The following MIGA1 variants were observed in gnomAD, a reference collection of about 807,000 sequenced individuals.
The protein encoded by MIGA1 is mitoguardin 1, also known as family with sequence similarity 73, member A.
Under a neutral mutation model 82.0 loss-of-function variants are expected in MIGA1, and 58 were observed. The observed-to-expected ratio is 0.71, with a 90% confidence interval of 0.57 to 0.88. The LOEUF is 0.88. Ranked by LOEUF, MIGA1 falls within the 40% of genes least tolerant of loss-of-function variation. The probability of loss-of-function intolerance (pLI) is 0.00; values close to 1 mark genes in which losing one functional copy is unlikely to be tolerated. For synonymous variants in MIGA1, 249 were observed against 253.6 expected (o/e 0.98, Z 0.17); for missense variants, 751 against 749.1 (o/e 1.00, Z -0.03).
intron 7 of MIGA1, among the ~76,000 whole-genome samples, chr1:77,840,892 AT>A (rs1684605072): frequency 1.3e-5 from 2 of 152,282 alleles, no homozygotes; most frequent in Admixed American, 1.3e-4. Context: ...TAAAACTGTG[AT>A]TTCTTTTTGT....
intron 14 of MIGA1, among the ~76,000 whole-genome samples, chr1:77,872,760 CA>C (rs1329846987): frequency 6.6e-6 from 1 of 152,174 alleles, no homozygotes; most frequent in Non-Finnish European, 1.5e-5. Flanking sequence ...GGTTTGCCCT[CA>C]AAAAGAGCTA....
intron 14 of MIGA1, among the ~76,000 whole-genome samples, chr1:77,869,674 C>T (rs1293695331): frequency 5.7e-5 from 7 of 123,076 alleles, no homozygotes; most frequent in Admixed American, 2.3e-4. Flanking sequence ...ACCTCCCGGA[C>T]GGGGCGGCCG....
intron 5 of MIGA1, chr1:77,811,741 G>A: frequency 6.2e-7 from 1 of 1,609,706 alleles, no homozygotes; most frequent in South Asian, 1.1e-5. Context: ...CCTAAAACTG[G>A]CGCCCCAGCG....
intron 8 of MIGA1, chr1:77,853,776 T>A: frequency 3.4e-6 from 1 of 298,116 alleles, no homozygotes. Flanking sequence ...CAAGCAACAG[T>A]AATAGCTGTT....
chr1:77,854,837 C>T (rs373685453), intron 8 of MIGA1, among the ~76,000 whole-genome samples: 1 of 152,174 alleles, frequency 6.6e-6, no homozygotes, highest in South Asian at 2.1e-4. Flanking sequence ...TTCTCCCACT[C>T]TGTGGGTTGT....
At chr1:77,784,732 T>C (rs1457462887) in intron 2 of MIGA1, among the ~76,000 whole-genome samples, 2 of 152,186 alleles carry the variant, frequency 1.3e-5, no homozygotes, top group Non-Finnish European at 2.9e-5. Flanking sequence ...CTGATAAAGA[T>C]ATACCCAAGA....
At chr1:77,861,366 G>A (rs764396624) in intron 12 of MIGA1, 44 bp downstream of exon 12, 6 of 1,286,390 alleles carry the variant, frequency 4.7e-6, no homozygotes, top group Non-Finnish European at 6.7e-6. Context: ...TTAGTTATTT[G>A]CATGTAATTT....
chr1:77,843,079 TA>T (rs1053944621), intron 7 of MIGA1, among the ~76,000 whole-genome samples: 40 of 152,252 alleles, frequency 2.6e-4, no homozygotes, highest in African/African-American at 9.2e-4. Flanking sequence ...AATAAAAAAT[TA>T]AGCTTAATTC....
chr1:77,791,144 G>A (rs1682400710), intron 2 of MIGA1, among the ~76,000 whole-genome samples: 1 of 150,538 alleles, frequency 6.6e-6, no homozygotes, highest in Admixed American at 6.6e-5. Context: ...TGAGGAGGCT[G>A]AGAAGAGAGG....
intron 8 of MIGA1, among the ~76,000 whole-genome samples, chr1:77,849,403 A>C (rs1198020310): frequency 6.6e-6 from 1 of 152,142 alleles, no homozygotes; most frequent in African/African-American, 2.4e-5. Context: ...TCTAAAAAAA[A>C]CCTTTTTTTA....
intron 13 of MIGA1, among the ~76,000 whole-genome samples, chr1:77,865,182 T>A (rs1409476665): frequency 3.9e-5 from 6 of 151,996 alleles, no homozygotes; most frequent in Non-Finnish European, 8.8e-5. Flanking sequence ...AGGGTCAGAT[T>A]TCTTCAGGAT....
intron 7 of MIGA1, among the ~76,000 whole-genome samples, chr1:77,842,785 G>A (rs1684676463): frequency 6.6e-6 from 1 of 152,130 alleles, no homozygotes; most frequent in Non-Finnish European, 1.5e-5. Context: ...CAGGTGATCT[G>A]CCTGCCTCAG....
intron 1 of MIGA1, chr1:77,780,156 A>AG (rs1423909027): frequency 1.0e-6 from 1 of 989,374 alleles, no homozygotes; most frequent in Non-Finnish European, 1.2e-6. Context: ...GAGCTCCGCG[A>AG]GGGGCTGCTG....
chr1:77,857,330 T>G (rs992753055), intron 8 of MIGA1, among the ~76,000 whole-genome samples: 4 of 152,000 alleles, frequency 2.6e-5, no homozygotes, highest in East Asian at 1.9e-4. Context: ...TGGTTTTTTT[T>G]TTTTTGTTTT....
rs1683468982 is a variant in MIGA1 at position 77,813,887 on chromosome 1, G to A, written c.771+20G>A. ...GTAGATGTAAGGGTGATTGATTTGA[G>A]TGGTCTTCATAATATTAGAAGAATC... On this transcript the variant is annotated intron_variant, in intron 6 of 15. Coordinates refer to ENST00000370791, the MANE Select transcript of MIGA1 (RefSeq NM_198549.4). 6.2e-7 allele frequency: 1 copy of A among 1,612,590 alleles called. No individual in the cohort carries two copies. The highest frequency in any genetic ancestry group is 1.7e-5 in the Admixed American group (1 of 59,582).
chr1:77,855,208 A>G (rs1685204071), intron 8 of MIGA1, among the ~76,000 whole-genome samples: 1 of 152,032 alleles, frequency 6.6e-6, no homozygotes, highest in African/African-American at 2.4e-5. Flanking sequence ...TGGCTGAACT[A>G]TTTGGGTTTA....
chr1:77,857,512 GC>G (rs554082495), intron 8 of MIGA1, among the ~76,000 whole-genome samples: 1 of 151,704 alleles, frequency 6.6e-6, no homozygotes, highest in South Asian at 2.1e-4. Flanking sequence ...ACTGCACCTG[GC>G]CCCCCCTAAT....
chr1:77,797,109 GTTGT>G (rs1682688801), intron 2 of MIGA1, among the ~76,000 whole-genome samples: 1 of 152,128 alleles, frequency 6.6e-6, no homozygotes, highest in Admixed American at 6.5e-5. Flanking sequence ...CATCCACATT[GTTGT>G]TTGTCTGAAT....
intron 8 of MIGA1, among the ~76,000 whole-genome samples, chr1:77,845,690 AG>A (rs1684812570): frequency 1.3e-5 from 2 of 152,206 alleles, no homozygotes; most frequent in African/African-American, 4.8e-5. Flanking sequence ...CAAGCACTTA[AG>A]GTTAAATTAG....
Sources: allele counts gnomAD v4.1 joint callset (sites outside exome capture counted in the v4.1 genomes callset), GRCh38; gene constraint gnomAD v4.1.1; transcripts MANE v1.5; gene names NCBI Gene and HGNC (gene_info 2026-07-23, HGNC 2026-07-21).